The following GRM5 variants were observed in gnomAD, a reference collection of about 807,000 sequenced individuals.
GRM5 encodes glutamate metabotropic receptor 5.
Under a neutral mutation model 83.1 loss-of-function variants are expected in GRM5, and 19 were observed. The observed-to-expected ratio is 0.23, with a 90% CI of 0.16 to 0.34. The LOEUF (loss-of-function observed/expected upper bound fraction) is 0.34, where lower values mean the gene tolerates loss of function less well. GRM5 is among the 10% of genes least tolerant of loss of function. GRM5 has a pLI of 1.00. For missense variants in GRM5, 1,160 were observed against 1,588.3 expected (o/e 0.73, Z 4.58); for synonymous variants, 675 against 633.6 (o/e 1.07, Z -0.98).
chr11:88,614,960 A>G (rs1938429117), intron 4 of GRM5, among the ~76,000 whole-genome samples: 2 of 152,184 alleles, frequency 1.3e-5, no homozygotes, highest in African/African-American at 4.8e-5. Context: ...CTTAGGGAAA[A>G]CAAATGGCAA....
At chr11:88,923,649 G>A (rs1216262235) in intron 2 of GRM5, among the ~76,000 whole-genome samples, 1 of 151,928 alleles carries the variant, frequency 6.6e-6, no homozygotes, top group Non-Finnish European at 1.5e-5. Context: ...ATAGCAGGGT[G>A]ACTACACTCA....
chr11:89,028,092 C>T (rs994405568), intron 2 of GRM5, among the ~76,000 whole-genome samples: 1 of 152,300 alleles, frequency 6.6e-6, no homozygotes, highest in African/African-American at 2.4e-5. Context: ...CGTCTTGATA[C>T]TGGACCTTCC....
At chr11:88,548,796 T>C (rs988791095) in intron 8 of GRM5, among the ~76,000 whole-genome samples, 2 of 152,194 alleles carry the variant, frequency 1.3e-5, no homozygotes, top group African/African-American at 4.8e-5. Flanking sequence ...TGAACTACTA[T>C]TGAGTGTTGA....
At chr11:88,698,466 A>G (rs527803919) in intron 3 of GRM5, among the ~76,000 whole-genome samples, 3 of 152,160 alleles carry the variant, frequency 2.0e-5, no homozygotes, top group Non-Finnish European at 4.4e-5. Flanking sequence ...CATGACTTCC[A>G]CTATTATACA....
In GRM5 at chr11:88,977,873, A is replaced by T. The variant is rs1345927689; in HGVS notation, c.661+69339T>A. On this transcript the variant is annotated intron_variant, in intron 2 of 9. Transcript: ENST00000305447. ...TCACAATGCCCTGGTAAATATAGGT[A>T]GAGAGAACAATTACTTTCTCTTGCA... 2.0e-5 allele frequency among the ~76,000 whole-genome samples: 3 copies of T among 152,242 alleles called. No individual in the cohort carries two copies. In the East Asian group the frequency reaches 5.8e-4, roughly 29 times the overall value.
intron 4 of GRM5, among the ~76,000 whole-genome samples, chr11:88,624,183 C>T (rs1306113487): frequency 6.6e-6 from 1 of 152,132 alleles, no homozygotes; most frequent in Non-Finnish European, 1.5e-5. Flanking sequence ...TTTCCTGAGC[C>T]AAATTATTAA....
At chr11:88,990,557 C>T (rs1242528141) in intron 2 of GRM5, among the ~76,000 whole-genome samples, 1 of 150,028 alleles carries the variant, frequency 6.7e-6, no homozygotes, top group Admixed American at 6.6e-5. Context: ...GAGACACAAC[C>T]AAAAAAGAGA....
intron 3 of GRM5, among the ~76,000 whole-genome samples, chr11:88,656,862 T>C (rs950194985): frequency 7.2e-5 from 11 of 152,168 alleles, no homozygotes; most frequent in African/African-American, 2.4e-4. Flanking sequence ...AATCTAGAGA[T>C]GGTTTAAAGT....
intron 8 of GRM5, among the ~76,000 whole-genome samples, chr11:88,560,377 TG>T (rs1324055794): frequency 6.6e-6 from 1 of 152,146 alleles, no homozygotes; most frequent in Non-Finnish European, 1.5e-5. Context: ...ATTGCTTTAT[TG>T]AACTTAACTG....
At chr11:88,957,802 T>G (rs1938668518) in intron 2 of GRM5, among the ~76,000 whole-genome samples, 2 of 152,158 alleles carry the variant, frequency 1.3e-5, no homozygotes, top group Admixed American at 1.3e-4. Context: ...TAAATAATCT[T>G]AATATTTCAT....
chr11:88,696,564 G>A (rs1189059384), intron 3 of GRM5, among the ~76,000 whole-genome samples: 1 of 152,120 alleles, frequency 6.6e-6, no homozygotes, highest in East Asian at 1.9e-4. Flanking sequence ...TAAGTGAAGT[G>A]GTCATCTGTA....
At chr11:88,646,288 A>G (rs909323870) in intron 4 of GRM5, among the ~76,000 whole-genome samples, 8 of 152,056 alleles carry the variant, frequency 5.3e-5, no homozygotes, top group African/African-American at 1.7e-4. Context: ...GAGAAAAATT[A>G]TACTCTTAAT....
intron 2 of GRM5, among the ~76,000 whole-genome samples, chr11:89,039,176 A>T (rs1340595573): frequency 6.6e-6 from 1 of 151,820 alleles, no homozygotes; most frequent in Non-Finnish European, 1.5e-5. Flanking sequence ...CAGGCAGGAG[A>T]GTTGCTTGAA....
At chr11:88,847,625 G>A (rs5005253) in intron 3 of GRM5, among the ~76,000 whole-genome samples, 118 of 152,240 alleles carry the variant, frequency 7.8e-4, no homozygotes, top group Middle Eastern at 3.4e-3. Flanking sequence ...GGCAGAAACT[G>A]CAGGGAGACA....
chr11:88,552,333 A>G (rs1043963642), intron 8 of GRM5, among the ~76,000 whole-genome samples: 2 of 152,136 alleles, frequency 1.3e-5, no homozygotes, highest in African/African-American at 4.8e-5. Flanking sequence ...GGACTGTTAT[A>G]TCATTTTTAT....
At chr11:88,871,224 A>T (rs141201762) in intron 2 of GRM5, among the ~76,000 whole-genome samples, 313 of 151,766 alleles carry the variant, frequency 2.1e-3, no homozygotes, top group South Asian at 3.5e-3. Context: ...CCAGATGAAG[A>T]AACTACAGCA....
At chr11:88,839,767 C>T (rs1040070431) in intron 3 of GRM5, among the ~76,000 whole-genome samples, 11 of 152,166 alleles carry the variant, frequency 7.2e-5, no homozygotes, top group Non-Finnish European at 1.5e-4. Context: ...TTTGACTCTC[C>T]TAAATCTTAA....
Position 88,945,129 on chromosome 11 carries a change from T to TAC in GRM5, c.662-94976_662-94975dup, listed in dbSNP as rs10587949. On this transcript the variant is annotated intron_variant, in intron 2 of 9. Transcript: ENST00000305447. ...CATTTACAATAGACACACACACACA[T>TAC]ACACACACACACACACACATACACA... 3.9e-3 allele frequency among the ~76,000 whole-genome samples: 581 copies of TAC among 149,010 alleles called. 2 individuals carry two copies. Among genetic ancestry groups the TAC allele is most frequent in the South Asian group, 7.8e-3 (37 of 4,728 alleles).
chr11:88,880,158 G>A (rs1002158498), intron 2 of GRM5, among the ~76,000 whole-genome samples: 2 of 151,978 alleles, frequency 1.3e-5, no homozygotes, highest in African/African-American at 4.8e-5. Flanking sequence ...GCAATTTTTG[G>A]CTGTTTGATT....
Sources: gnomAD v4.1 joint callset for allele counts (sites outside exome capture counted in the v4.1 genomes callset) on GRCh38, gnomAD v4.1.1 for gene constraint, MANE v1.5 for transcripts, NCBI Gene and HGNC (gene_info 2026-07-23, HGNC 2026-07-21) for gene names.